The following NBPF15 variants were observed in gnomAD, a reference collection of about 807,000 sequenced individuals.
The protein encoded by NBPF15 is NBPF family member NBPF15.
A neutral mutation model predicts 62.2 loss-of-function variants in NBPF15; 74 were observed. The ratio of observed to expected loss-of-function variants is 1.19; its 90% confidence interval spans 0.99 to 1.44. The LOEUF (loss-of-function observed/expected upper bound fraction) is 1.44, where lower values mean the gene tolerates loss of function less well. Ranked by LOEUF, NBPF15 falls within the 40% of genes most tolerant of loss-of-function variation. The pLI is 0.00. For missense variants in NBPF15, 790 were observed against 550.0 expected (o/e 1.44, Z -4.36); for synonymous variants, 244 against 209.7 (o/e 1.16, Z -1.41).
rs1671023882 is a variant in NBPF15, at chr1:144,427,951, G to C, written c.1080C>G (p.Val360=). 6 of 782,240 alleles carry C rather than the reference G, an allele frequency of 7.7e-6. No individual in the cohort carries two copies. Among genetic ancestry groups the C allele is most frequent in the Non-Finnish European group, 1.4e-5 (6 of 425,544 alleles). The allele number at this position is 782,240 out of a possible 1,614,324, so 48.5% of individuals were successfully genotyped here. The change falls in exon 16 of 22, where the codon GTC becomes GTG. Residue 360 remains valine (V), a synonymous_variant. Transcript: ENST00000581897. The part of the protein sequence containing the change: ...RELLDEKEPE[V]LQDSLDRCYS... ...AACATCTATCCAGTGAGTCCTGCAAGACTTCAGGCTCTTTCTCATCCAGCA... is the reference window on the plus strand; with the variant it reads ...AACATCTATCCAGTGAGTCCTGCAACACTTCAGGCTCTTTCTCATCCAGCA...
intron 9 of NBPF15, 112 bp from the exon 10 acceptor site, chr1:144,437,221 G>A: frequency 9.3e-7 from 1 of 1,076,964 alleles, no homozygotes. Flanking sequence ...CGAAGCAGAA[G>A]GTCAGCACAT....
In NBPF15 at chr1:144,461,636, C is replaced by T. The variant is rs1346459389; in HGVS notation, c.-1193G>A. 2.6e-5 allele frequency: 4 copies of T among 152,468 alleles called. No homozygotes were observed. Among genetic ancestry groups the T allele is most frequent in the South Asian group, 2.1e-4 (1 of 4,832 alleles). The allele number at this position is 152,468 out of a possible 1,614,324, so 9.4% of individuals were successfully genotyped here. On this transcript the variant is annotated 5_prime_UTR_variant, in exon 1 of 22. Transcript: ENST00000581897. ...AGCCCATAGCCTGCGCCAGCTGGCTCCTCAGGGTCCCGCCCGGCGCGTCAG... is the reference window on the plus strand; with the variant it reads ...AGCCCATAGCCTGCGCCAGCTGGCTTCTCAGGGTCCCGCCCGGCGCGTCAG...
At chr1:144,426,163 G>C (rs1669465134) in intron 18 of NBPF15, 115 bp downstream of exon 18, 2 of 655,344 alleles carry the variant, frequency 3.1e-6, no homozygotes, top group Admixed American at 2.3e-5. Flanking sequence ...GCGCCCATAG[G>C]TCCTGCCTGC....
chr1:144,427,417 C>T (rs1274968923), intron 16 of NBPF15, among the ~76,000 whole-genome samples: 6 of 146,434 alleles, frequency 4.1e-5, no homozygotes, highest in African/African-American at 1.6e-4. Context: ...AGGAGAAAAA[C>T]TGCACTATTC....
Position 144,456,653 on chromosome 1 carries a change from T to C in NBPF15, c.-548A>G, listed in dbSNP as rs1157641739. ...AGAGTCCACTGGAAGCCCTGGACAG[T>C]GGGAGTTGGTGGCAGCCCCAGCGTG... On this transcript the variant is annotated 5_prime_UTR_variant, in exon 4 of 22. Transcript: ENST00000581897. 7.5e-6 allele frequency: 11 copies of C among 1,464,162 alleles called. No homozygotes were observed. In the Admixed American group the frequency reaches 2.5e-4, roughly 33 times the overall value. The allele number at this position is 1,464,162 out of a possible 1,614,324, so 90.7% of individuals were successfully genotyped here.
chr1:144,422,936 T>C lies in NBPF15; in HGVS notation c.*77A>G. 1.9e-6 allele frequency: 3 copies of C among 1,611,512 alleles called. No individual in the cohort carries two copies. The highest frequency in any genetic ancestry group is 4.5e-5 in the East Asian group (2 of 44,862). On this transcript the variant is annotated 3_prime_UTR_variant, in exon 22 of 22. Coordinates refer to ENST00000581897, the MANE Select transcript of NBPF15 (RefSeq NM_001385408.1). ...CTATGTCTGGGCTTCCAAATGGAAC[T>C]GTACTTTCATTCAAATCTTCTCGTG...
At chr1:144,432,610 G>A (rs61812420) in intron 13 of NBPF15, among the ~76,000 whole-genome samples, 12,141 of 151,596 alleles carry the variant, frequency 0.08, 585 homozygotes, top group Non-Finnish European at 0.12. Flanking sequence ...AGGGATGGAG[G>A]AAGATCTACC....
intron 8 of NBPF15, 86 bp downstream of exon 8, chr1:144,439,743 T>G: frequency 1.0e-6 from 1 of 980,126 alleles, no homozygotes; most frequent in Non-Finnish European, 1.6e-6. Flanking sequence ...GATGAAATTA[T>G]TTTTGATGGA....
intron 6 of NBPF15, among the ~76,000 whole-genome samples, chr1:144,442,292 A>ATATATATATATATACACGTGTATATAT (rs1684023262): frequency 2.4e-5 from 3 of 123,204 alleles, no homozygotes; most frequent in African/African-American, 9.4e-5. Context: ...TGTATATATT[A>ATATATATATATATACACGTGTATATAT]TATATATATA....
rs1322130667 is a variant in NBPF15 at position 144,428,313 on chromosome 1, A to C, written c.1040+293T>G. On this transcript the variant is annotated intron_variant, in intron 15 of 21. Transcript: ENST00000581897. The stretch of plus-strand genomic sequence containing the variant: ...GACACACAGTGAACAGTGATCATGA[A>C]AAGCATGTCCTCAATAATTTTGCAT... Among the ~76,000 whole-genome samples, 12 of 151,900 alleles carry C rather than the reference A, an allele frequency of 7.9e-5. 1 individual carries two copies. Among genetic ancestry groups the C allele is most frequent in the Non-Finnish European group, 1.6e-4 (11 of 67,928 alleles).
rs1322986347 is a variant in NBPF15, at chr1:144,421,771, AG to A, written c.*1241del. 1 of 148,026 alleles carries A rather than the reference AG, an allele frequency of 6.8e-6. No homozygotes were observed. Among genetic ancestry groups the A allele is most frequent in the Non-Finnish European group, 1.5e-5 (1 of 66,944 alleles). The allele number at this position is 148,026 out of a possible 1,614,324, so 9.2% of individuals were successfully genotyped here. A position where few individuals can be genotyped will look rare whatever the true frequency, so the allele number is the denominator to read the frequency against. ...CCGCTTTCCCAAGTACTTCATTATAAGTAAGGTGTCTCTAAAAGGGACAGAT... is the reference window on the plus strand; with the variant it reads ...CCGCTTTCCCAAGTACTTCATTATAATAAGGTGTCTCTAAAAGGGACAGAT... On this transcript the variant is annotated 3_prime_UTR_variant, in exon 22 of 22. Coordinates refer to ENST00000581897, the MANE Select transcript of NBPF15 (RefSeq NM_001385408.1).
At chr1:144,425,055 G>GAC (rs1668623761) in intron 19 of NBPF15, among the ~76,000 whole-genome samples, 193 bp from the exon 20 acceptor site, 1 of 101,740 alleles carries the variant, frequency 9.8e-6, no homozygotes, top group Admixed American at 9.5e-5. Context: ...GAGAAAGACA[G>GAC]ATAGACACAC....
At position 144,427,934 on chromosome 1, in the gene NBPF15, T is replaced by C. The variant is rs1170693111; in HGVS notation, c.1097A>G (p.Asp366Gly). 1.4e-5 allele frequency: 11 copies of C among 764,782 alleles called. No individual in the cohort carries two copies. Among genetic ancestry groups the C allele is most frequent in the Non-Finnish European group, 2.4e-5 (10 of 414,150 alleles). 47.4% of individuals were successfully genotyped at this position (764,782 alleles called of 1,614,324 possible). A position where few individuals can be genotyped will look rare whatever the true frequency, so the allele number is the denominator to read the frequency against. Residue 366 changes from aspartate to glycine, a missense_variant, in exon 16 of 22, where the codon GAT (aspartate) becomes GGT (glycine). By Grantham distance (94) the Asp-to-Gly change is moderately conservative. Transcript: ENST00000581897. The part of the protein sequence containing the change: ...KEPEVLQDSL[D>G]RCYSTPSGCL... ...ACCTGAAGGAGTTGAATAACATCTA[T>C]CCAGTGAGTCCTGCAAGACTTCAGG...
At chr1:144,453,451 A>T (rs587662766) in intron 4 of NBPF15, among the ~76,000 whole-genome samples, 1 of 151,734 alleles carries the variant, frequency 6.6e-6, no homozygotes, top group East Asian at 1.9e-4. Flanking sequence ...CCAAAAGCAC[A>T]ATCTACTAAT....
At chr1:144,453,548 C>T (rs1692513003) in intron 4 of NBPF15, among the ~76,000 whole-genome samples, 1 of 145,082 alleles carries the variant, frequency 6.9e-6, no homozygotes, top group Admixed American at 7.3e-5. Context: ...AAGCAAGTCA[C>T]AGACTGGTAG....
chr1:144,461,118 G>A (rs1452423575), intron 1 of NBPF15, among the ~76,000 whole-genome samples, 157 bp from the exon 2 acceptor site: 1 of 151,604 alleles, frequency 6.6e-6, no homozygotes, highest in Non-Finnish European at 1.5e-5. Context: ...CAGGATACAC[G>A]AGGACGTGCC....
chr1:144,429,226 A>T (rs1672379767), intron 14 of NBPF15, among the ~76,000 whole-genome samples: 2 of 150,080 alleles, frequency 1.3e-5, no homozygotes, highest in Non-Finnish European at 2.9e-5. Flanking sequence ...AGAAAATGGG[A>T]ATAAATTCAG....
At chr1:144,459,944 A>C (rs1160005151) in intron 2 of NBPF15, among the ~76,000 whole-genome samples, 1 of 143,602 alleles carries the variant, frequency 7.0e-6, no homozygotes, top group African/African-American at 2.6e-5. Context: ...CAACAATGCC[A>C]CTCCTACAAA....
rs1242170054 is a variant in NBPF15 at position 144,456,025 on chromosome 1, G to A, written c.-432+512C>T. Among the ~76,000 whole-genome samples the A allele has an allele frequency of 5.3e-4, 80 of 151,982 alleles. 1 individual carries two copies. The highest frequency in any genetic ancestry group is 3.4e-3 in the Middle Eastern group (1 of 294). On this transcript the variant is annotated intron_variant, in intron 4 of 21. Transcript: ENST00000581897. Reference sequence around the variant, plus strand: ...GCCTCTCTTTTAACACATTATACTGGCAACTGAGCCATGTTTCCCCATCCT... The same window carrying A: ...GCCTCTCTTTTAACACATTATACTGACAACTGAGCCATGTTTCCCCATCCT...
Sources: gnomAD v4.1 joint callset for allele counts (sites outside exome capture counted in the v4.1 genomes callset) on GRCh38, gnomAD v4.1.1 for gene constraint, MANE v1.5 for transcripts, NCBI Gene and HGNC (gene_info 2026-07-23, HGNC 2026-07-21) for gene names.